The following WHRN variants were observed in gnomAD, a reference collection of about 807,000 sequenced individuals.
WHRN encodes CASK-interacting protein CIP98.
Under a neutral mutation model 68.3 loss-of-function variants are expected in WHRN, and 41 were observed. The observed-to-expected ratio is 0.60, with a 90% confidence interval of 0.47 to 0.78. The LOEUF (loss-of-function observed/expected upper bound fraction) is 0.78, where lower values mean the gene tolerates loss of function less well. Among genes scored for constraint, WHRN ranks in the 30% least tolerant of loss-of-function variants. The pLI, the probability that WHRN is intolerant of heterozygous loss-of-function variation, is 0.00. For synonymous variants in WHRN, 560 were observed against 561.3 expected (o/e 1.00, Z 0.03); for missense variants, 1,243 against 1,244.7 (o/e 1.00, Z 0.02).
At chr9:114,429,079 C>T (rs184414702) in intron 3 of WHRN, among the ~76,000 whole-genome samples, 1 of 152,114 alleles carries the variant, frequency 6.6e-6, no homozygotes, top group Non-Finnish European at 1.5e-5. Context: ...TACAGGTGCA[C>T]ACCACCACGC....
At chr9:114,407,829 G>T (rs564624678) in intron 8 of WHRN, 118 bp downstream of exon 8, 21 of 813,874 alleles carry the variant, frequency 2.6e-5, no homozygotes, top group African/African-American at 3.4e-5. Context: ...CATGGCAGAG[G>T]CCTCTGTCTC....
chr9:114,504,896 G>A lies in WHRN; in HGVS notation c.-95C>T, dbSNP rs1453550929. 4 of 1,323,308 alleles carry A rather than the reference G, an allele frequency of 3.0e-6. No individual in the cohort carries two copies. Among genetic ancestry groups the A allele is most frequent in the South Asian group, 2.1e-5 (1 of 46,782 alleles). The allele number at this position is 1,323,308 out of a possible 1,614,324, so 82.0% of individuals were successfully genotyped here. ...TGGCGCGACAGCTGGATCCCCGGGA[G>A]CGCGGAGACGACGGCTGGAGCCTGG... On this transcript the variant is annotated 5_prime_UTR_variant, in exon 1 of 12. Transcript: ENST00000362057.
At chr9:114,440,642 G>A (rs2132580972) in intron 3 of WHRN, among the ~76,000 whole-genome samples, 1 of 152,308 alleles carries the variant, frequency 6.6e-6, no homozygotes, top group Admixed American at 6.5e-5. Flanking sequence ...TTAAAATGCA[G>A]TATTAAATCA....
At chr9:114,497,884 C>A (rs926373639) in intron 1 of WHRN, among the ~76,000 whole-genome samples, 1 of 152,186 alleles carries the variant, frequency 6.6e-6, no homozygotes. Context: ...GGGAAGGAGG[C>A]AGGTGGGAGG....
rs1450874115 is a variant in WHRN at position 114,504,472 on chromosome 9, C to T, written c.330G>A (p.Thr110=). ...RSDQLLFDQY[T]AEGLYLPATT... ...TGGCGGGCAGGTAGAGGCCCTCGGC[C>T]GTGTATTGGTCGAAGAGCAGCTGGT... The change falls in exon 1 of 12, where the codon ACG becomes ACA. Residue 110 remains threonine, a synonymous_variant. Transcript: ENST00000362057. 1 of 1,608,288 alleles carries T rather than the reference C, an allele frequency of 6.2e-7. No individual in the cohort carries two copies. The highest frequency in any genetic ancestry group is 8.5e-7 in the Non-Finnish European group (1 of 1,179,784).
intron 1 of WHRN, among the ~76,000 whole-genome samples, chr9:114,498,159 G>A (rs953345540): frequency 6.6e-6 from 1 of 152,176 alleles, no homozygotes; most frequent in Non-Finnish European, 1.5e-5. Context: ...ATATATTAAA[G>A]CACCTACTGT....
chr9:114,488,067 G>T (rs1332237555), intron 1 of WHRN, among the ~76,000 whole-genome samples: 2 of 152,206 alleles, frequency 1.3e-5, no homozygotes, highest in Non-Finnish European at 2.9e-5. Context: ...TCCCTCAAAA[G>T]TGTTTTCCAG....
At chr9:114,499,450 T>C (rs1170950279) in intron 1 of WHRN, among the ~76,000 whole-genome samples, 1 of 152,228 alleles carries the variant, frequency 6.6e-6, no homozygotes, top group Non-Finnish European at 1.5e-5. Context: ...ATGTCATTCT[T>C]TCCAATCAGA....
At chr9:114,435,014 A>C (rs1244966559) in intron 3 of WHRN, among the ~76,000 whole-genome samples, 2 of 152,028 alleles carry the variant, frequency 1.3e-5, no homozygotes. Flanking sequence ...CTCTGCCCAA[A>C]ACGTATTTCC....
chr9:114,404,465 TAGA>T (rs1295869265), intron 9 of WHRN, among the ~76,000 whole-genome samples: 1 of 152,374 alleles, frequency 6.6e-6, no homozygotes, highest in East Asian at 1.9e-4. Flanking sequence ...ACATTCAAAT[TAGA>T]AGATTTCATA....
intron 7 of WHRN, among the ~76,000 whole-genome samples, chr9:114,413,801 A>C (rs1415344466): frequency 6.6e-6 from 1 of 152,180 alleles, no homozygotes; most frequent in Non-Finnish European, 1.5e-5. Context: ...CTCTCTGGGA[A>C]GCTTCTGCAT....
intron 3 of WHRN, among the ~76,000 whole-genome samples, chr9:114,444,785 C>T (rs1838676846): frequency 6.6e-6 from 1 of 151,090 alleles, no homozygotes; most frequent in African/African-American, 2.4e-5. Context: ...GATCTGAATG[C>T]TATATATATA....
chr9:114,434,326 T>C (rs765568036), intron 3 of WHRN, among the ~76,000 whole-genome samples: 3 of 152,160 alleles, frequency 2.0e-5, no homozygotes, highest in Non-Finnish European at 2.9e-5. Flanking sequence ...CCAAACCAAT[T>C]GCTATTCTGA....
chr9:114,476,460 C>T (rs1374562600), intron 2 of WHRN, among the ~76,000 whole-genome samples: 1 of 152,052 alleles, frequency 6.6e-6, no homozygotes, highest in African/African-American at 2.4e-5. Context: ...GGTCTCAGCT[C>T]GGAAGCCGTC....
At position 114,423,349 on chromosome 9, in the gene WHRN, T is replaced by G. The variant is rs1217731688; in HGVS notation, c.1591A>C (p.Ser531Arg). The change falls in exon 7 of 12, where the codon AGC becomes CGC. Residue 531 changes from serine to arginine, a missense_variant. Transcript: ENST00000362057. Reference sequence around the variant, plus strand: ...CTGACGGTGGTGGAGGTGCCGTGGCTGCCTGTGGATGAACCCGTGTCACTG... The same window carrying G: ...CTGACGGTGGTGGAGGTGCCGTGGCGGCCTGTGGATGAACCCGTGTCACTG... ...SYSDTGSSTG[S>R]HGTSTTVSSA... is the part of the protein sequence containing the mutation. 1.9e-6 allele frequency: 3 copies of G among 1,613,874 alleles called. No homozygotes were observed. The East Asian group carries it at 6.7e-5, about 36-fold the overall frequency.
At chr9:114,404,824 G>T (rs2104363) in intron 9 of WHRN, among the ~76,000 whole-genome samples, 32,277 of 152,150 alleles carry the variant, frequency 0.21, 3,672 homozygotes, top group Middle Eastern at 0.3. Context: ...ATAGAATGGA[G>T]CAGTCCAGGG....
chr9:114,492,186 T>C (rs184486887), intron 1 of WHRN, among the ~76,000 whole-genome samples: 1 of 152,086 alleles, frequency 6.6e-6, no homozygotes, highest in East Asian at 1.9e-4. Context: ...TGGGAGGGAA[T>C]ATACAAAACA....
rs114430564 is a variant in WHRN at position 114,464,353 on chromosome 9, A to G, written c.963+1914T>C. On this transcript the variant is annotated intron_variant, in intron 3 of 11. Transcript: ENST00000362057. ...TGGCTTATAAGCAACAGAAATTTAC[A>G]TCTCACAGTTTTGGAGGTTGGAAGT... 4.3e-3 allele frequency among the ~76,000 whole-genome samples: 660 copies of G among 152,294 alleles called. 2 individuals are homozygous for G. Among genetic ancestry groups the G allele is most frequent in the African/African-American group, 0.015 (614 of 41,552 alleles).
intron 3 of WHRN, 32 bp downstream of exon 3, chr9:114,466,235 C>G (rs758337461): frequency 2.5e-6 from 4 of 1,613,302 alleles, no homozygotes; most frequent in Non-Finnish European, 3.4e-6. Flanking sequence ...GCTCCATGCA[C>G]AGAGTTTTCC....
Sources: allele counts gnomAD v4.1 joint callset (sites outside exome capture counted in the v4.1 genomes callset), GRCh38; gene constraint gnomAD v4.1.1; transcripts MANE v1.5; gene names NCBI Gene and HGNC (gene_info 2026-07-23, HGNC 2026-07-21).